The following ENPP2 variants were observed in gnomAD, a reference collection of about 807,000 sequenced individuals.
ENPP2 encodes autotaxin.
In ENPP2, 51 loss-of-function variants were observed where a neutral mutation model predicts 120.2. The observed-to-expected ratio is 0.42, with a 90% CI of 0.34 to 0.54. ENPP2 has a LOEUF of 0.54. Ranked by LOEUF, ENPP2 falls within the 20% of genes least tolerant of loss-of-function variation. ENPP2 has a pLI of 0.04. For missense variants in ENPP2, 920 were observed against 1,066.5 expected, an observed-to-expected ratio of 0.86 and a Z score of 1.91; for synonymous variants, 365 against 366.4, an observed-to-expected ratio of 1.00 and a Z score of 0.04.
In ENPP2 at chr8:119,579,013, G is replaced by A. The variant is rs140417534; in HGVS notation, c.1780+1103C>T. On this transcript the variant is annotated intron_variant, in intron 19 of 24. Transcript: ENST00000075322. ...GATGCTCTCAGGAGAATTTGACCACGTGCATCTTTGCTGCATGACTTGTGG... is the reference window on the plus strand; with the variant it reads ...GATGCTCTCAGGAGAATTTGACCACATGCATCTTTGCTGCATGACTTGTGG... 5.4e-3 allele frequency among the ~76,000 whole-genome samples: 825 copies of A among 152,314 alleles called. 6 individuals are homozygous for A. Among genetic ancestry groups the A allele is most frequent in the African/African-American group, 0.019 (770 of 41,574 alleles).
chr8:119,669,959 T>C (rs1442001112), intron 1 of ENPP2, among the ~76,000 whole-genome samples: 1 of 152,242 alleles, frequency 6.6e-6, no homozygotes, highest in Non-Finnish European at 1.5e-5. Flanking sequence ...ACAGAGTTTT[T>C]AGAGGGCTTG....
Position 119,600,730 on chromosome 8 carries a change from T to G in ENPP2, c.920A>C (p.Tyr307Ser). ...DHERPSVYAF[Y>S]SEQPDFSGHK... is the part of the protein sequence containing the mutation. Reference sequence around the variant, plus strand: ...TCCAGAGAAATCAGGTTGCTCAGAATAGAAGGCATAGACCGAAGGCCTATA... The same window carrying G: ...TCCAGAGAAATCAGGTTGCTCAGAAGAGAAGGCATAGACCGAAGGCCTATA... Residue 307 changes from tyrosine (Y) to serine (S), a missense_variant, in exon 11 of 25, where the codon TAT becomes TCT. By Grantham distance (144) the Tyr-to-Ser change is moderately radical (BLOSUM62 -2). Transcript: ENST00000075322. 1.2e-6 allele frequency: 2 copies of G among 1,611,464 alleles called. No homozygotes were observed. Among genetic ancestry groups the G allele is most frequent in the Non-Finnish European group, 1.7e-6 (2 of 1,177,660 alleles).
intron 1 of ENPP2, among the ~76,000 whole-genome samples, chr8:119,659,282 A>T (rs975304418): frequency 6.2e-5 from 9 of 145,142 alleles, no homozygotes; most frequent in African/African-American, 1.8e-4. Context: ...GTGCCACTGC[A>T]CTCCAGCCTG....
intron 9 of ENPP2, among the ~76,000 whole-genome samples, chr8:119,605,767 G>A (rs528193382): frequency 7.6e-4 from 116 of 151,922 alleles, no homozygotes; most frequent in African/African-American, 2.7e-3. Flanking sequence ...ATACCCAGCC[G>A]AAGATACTGT....
upstream of ENPP2, among the ~76,000 whole-genome samples, chr8:119,643,198 A>G: frequency 6.6e-6 from 1 of 152,208 alleles, no homozygotes; most frequent in East Asian, 1.9e-4. Context: ...GTTGAGAACT[A>G]TTAGAAAATT....
rs1285666765 is a variant in ENPP2, at chr8:119,616,333, C to G, written c.709G>C (p.Val237Leu). The G allele has an allele frequency of 6.2e-7, 1 of 1,608,876 alleles. No homozygotes were observed. The highest frequency in any genetic ancestry group is 1.1e-5 in the South Asian group (1 of 90,698). Residue 237 changes from valine (V) to leucine (L), a missense_variant, in exon 8 of 25, where the codon GTA becomes CTA. By Grantham distance (32) the Val-to-Leu change is conservative. Transcript: ENST00000075322. Reference sequence around the variant, plus strand: ...CGCAGATGAAAAGTGGCATCAAATACAGGATCATACATTGAATTGCCAACA... The same window carrying G: ...CGCAGATGAAAAGTGGCATCAAATAGAGGATCATACATTGAATTGCCAACA... ...GIVGNSMYDP[V>L]FDATFHLRGR...
At chr8:119,571,715 G>T (rs1368081241) in intron 19 of ENPP2, 1 of 152,864 alleles carries the variant, frequency 6.5e-6, no homozygotes, top group Non-Finnish European at 1.5e-5. Context: ...AGAGACTGAG[G>T]CTTAGGCAAT....
chr8:119,595,641 T>C (rs1046174377), intron 11 of ENPP2, among the ~76,000 whole-genome samples: 1 of 152,172 alleles, frequency 6.6e-6, no homozygotes, highest in Non-Finnish European at 1.5e-5. Context: ...GGAAAAGACT[T>C]CTTTTTTTCC....
At chr8:119,581,666 C>T (rs903943129) in intron 18 of ENPP2, among the ~76,000 whole-genome samples, 3 of 152,088 alleles carry the variant, frequency 2.0e-5, no homozygotes, top group Non-Finnish European at 4.4e-5. Context: ...CACTTCGTCA[C>T]TCCTCATTGA....
intron 4 of ENPP2, 97 bp downstream of exon 4, chr8:119,621,297 C>A: frequency 9.4e-7 from 1 of 1,064,810 alleles, no homozygotes; most frequent in Non-Finnish European, 1.4e-6. Flanking sequence ...CTCCCAAACT[C>A]ATATCCAGTG....
intron 3 of ENPP2, among the ~76,000 whole-genome samples, chr8:119,622,679 T>C (rs1815988384): frequency 6.6e-6 from 1 of 152,196 alleles, no homozygotes; most frequent in Non-Finnish European, 1.5e-5. Flanking sequence ...GTTCAATCAA[T>C]ATGTATTAAA....
chr8:119,601,496 G>A (rs781226251), intron 9 of ENPP2, 34 bp from the exon 10 acceptor site: 16 of 1,586,444 alleles, frequency 1.0e-5, no homozygotes, highest in Non-Finnish European at 1.3e-5. Context: ...CATGTTGTTA[G>A]GTTTCATTTC....
chr8:119,649,257 C>G (rs1817560097), intron 1 of ENPP2, among the ~76,000 whole-genome samples: 1 of 148,482 alleles, frequency 6.7e-6, no homozygotes, highest in Admixed American at 6.6e-5. Flanking sequence ...AAAAAAATAG[C>G]CGGGTGTGGT....
At chr8:119,653,484 G>T (rs1817681533) in intron 1 of ENPP2, among the ~76,000 whole-genome samples, 1 of 152,172 alleles carries the variant, frequency 6.6e-6, no homozygotes, top group African/African-American at 2.4e-5. Context: ...CAGAGACCCG[G>T]ATGACATGAG....
chr8:119,582,516 T>C lies in ENPP2; in HGVS notation c.1630A>G (p.Met544Val). 6.2e-7 allele frequency: 1 copy of C among 1,613,806 alleles called. No individual in the cohort carries two copies. Among genetic ancestry groups the C allele is most frequent in the Non-Finnish European group, 8.5e-7 (1 of 1,179,660 alleles). ...LLRTNTFRPT[M>V]PEEVTRPNYP... Reference sequence around the variant, plus strand: ...TTGGGTCTGGTAACTTCCTCTGGCATGGTTGGCCTGAAGGTATTAGTGCGC... The same window carrying C: ...TTGGGTCTGGTAACTTCCTCTGGCACGGTTGGCCTGAAGGTATTAGTGCGC... The change falls in exon 18 of 25, where the codon ATG (methionine) becomes GTG (valine). Residue 544 changes from methionine (M) to valine (V), a missense_variant. By Grantham distance (21) the Met-to-Val change is conservative. Transcript: ENST00000075322.
rs1241610980 is a variant in ENPP2 at position 119,614,062 on chromosome 8, CTTTTTTTTTTTT to C, written c.777+2191_777+2202del. Among the ~76,000 whole-genome samples the C allele has an allele frequency of 1.4e-4, 16 of 115,886 alleles. No homozygotes were observed. In the East Asian group the frequency reaches 1.8e-3, roughly 13 times the overall value. The allele number at this position is 115,886 out of a possible 152,430, so 76.0% of individuals were successfully genotyped here. The stretch of plus-strand genomic sequence containing the variant: ...TGTAGTTACTATGCTCCTGGGAAAT[CTTTTTTTTTTTT>C]TTTTTTTTTTGAGATGGAGTCTCGC... On this transcript the variant is annotated intron_variant, in intron 8 of 24. Coordinates refer to ENST00000075322, the MANE Select transcript of ENPP2 (RefSeq NM_001040092.3).
chr8:119,649,024 TTGATA>T (rs905729462), intron 1 of ENPP2, among the ~76,000 whole-genome samples: 4 of 152,118 alleles, frequency 2.6e-5, no homozygotes, highest in Admixed American at 1.3e-4. Context: ...TGAATGTTGC[TTGATA>T]TAAGACAAAA....
chr8:119,626,002 T>C (rs1006506373), intron 3 of ENPP2, among the ~76,000 whole-genome samples: 2 of 152,052 alleles, frequency 1.3e-5, no homozygotes, highest in Non-Finnish European at 2.9e-5. Flanking sequence ...TACTGTACGA[T>C]AAGATGAAGT....
intron 24 of ENPP2, among the ~76,000 whole-genome samples, chr8:119,560,217 C>A (rs17192692): frequency 0.16 from 23,664 of 152,108 alleles, 2,435 homozygotes; most frequent in Non-Finnish European, 0.23. Flanking sequence ...AACTGTATGG[C>A]AATTTTTATT....
Sources: gnomAD v4.1 joint callset for allele counts (sites outside exome capture counted in the v4.1 genomes callset) on GRCh38, gnomAD v4.1.1 for gene constraint, MANE v1.5 for transcripts, NCBI Gene and HGNC (gene_info 2026-07-23, HGNC 2026-07-21) for gene names.